Variants in PLIN3 observed in about 807,000 individuals in gnomAD.
The protein encoded by PLIN3 is perilipin-3.
PLIN3 carries 30 observed loss-of-function variants against 35.9 expected under a neutral mutation model. The observed-to-expected ratio is 0.84, with a 90% CI of 0.62 to 1.13. The LOEUF (loss-of-function observed/expected upper bound fraction) is 1.13, where lower values mean the gene tolerates loss of function less well. Among genes scored for constraint, PLIN3 ranks in the 50% most tolerant of loss-of-function variants. PLIN3 has a pLI of 0.00. For missense variants in PLIN3, 603 were observed against 596.9 expected (o/e 1.01, Z -0.11); for synonymous variants, 261 against 262.5 (o/e 0.99, Z 0.06).
Position 4,839,619 on chromosome 19 carries a change from G to GAGGGGA in PLIN3, c.961-84_961-83insTCCCCT. 3 of 1,117,826 alleles carry GAGGGGA rather than the reference G, an allele frequency of 2.7e-6. No individual in the cohort carries two copies. The East Asian group carries it at 7.9e-5, about 30-fold the overall frequency. 69.2% of individuals were successfully genotyped at this position (1,117,826 alleles called of 1,614,324 possible). ...AGCTGAAGCCAGGGAAAGAGGGGAA[G>GAGGGGA]AGGGGTTCTACCACTGACCTTGGGG... On this transcript the variant is annotated intron_variant, in intron 7 of 7. Transcript: ENST00000221957.
At chr19:4,862,483 C>T (rs932673590) in intron 1 of PLIN3, among the ~76,000 whole-genome samples, 3 of 152,020 alleles carry the variant, frequency 2.0e-5, no homozygotes, top group African/African-American at 7.2e-5. Context: ...TGGTCTCAAA[C>T]AATCCTCTTG....
In PLIN3 at chr19:4,847,829, T is replaced by C. The variant is rs545320674; in HGVS notation, c.696A>G (p.Glu232=). The change falls in exon 6 of 8, where the codon GAA becomes GAG. Residue 232 remains glutamate (E), a synonymous_variant. Transcript: ENST00000221957. ...AGCCCAGACGTACGAAGTAGCTCTG[T>C]TCCTGCCGCTGCTGCTGCACGGACG... is the stretch of plus-strand genomic sequence containing the variant. ...DVASVQQQRQ[E]QSYFVRLGSL... is the part of the protein sequence containing the mutation. The C allele has an allele frequency of 6.8e-6, 11 of 1,613,934 alleles. No homozygotes were observed. In the East Asian group the frequency reaches 1.6e-4, roughly 23 times the overall value.
intron 5 of PLIN3, 33 bp downstream of exon 5, chr19:4,851,983 G>A: frequency 6.3e-7 from 1 of 1,592,750 alleles, no homozygotes; most frequent in Non-Finnish European, 8.6e-7. Context: ...GGCCTGGGGA[G>A]GGGTCCCAGA....
chr19:4,845,688 G>A (rs576870996), intron 6 of PLIN3, among the ~76,000 whole-genome samples: 13 of 152,104 alleles, frequency 8.5e-5, no homozygotes, highest in Non-Finnish European at 1.9e-4. Context: ...ACTTTGGGAG[G>A]CCGAGGCGGG....
intron 1 of PLIN3, 29 bp from the exon 2 acceptor site, chr19:4,861,440 C>G (rs755642043): frequency 1.8e-5 from 27 of 1,525,926 alleles, no homozygotes; most frequent in Middle Eastern, 3.4e-4. Flanking sequence ...TCAGGTACAG[C>G]CTGCCTGGCC....
chr19:4,859,938 C>T lies in PLIN3; in HGVS notation c.153G>A (p.Glu51=). 6.2e-7 allele frequency: 1 copy of T among 1,614,092 alleles called. No individual in the cohort carries two copies. ...AGACAGTCTTGATGTGCGGGTAGCT[C>T]TCCTTGGTGGAGGCATAGGCTGCGG... The part of the protein sequence containing the change: ...MVSAAYASTK[E]SYPHIKTVCD... The change falls in exon 3 of 8, where the codon GAG becomes GAA. Residue 51 remains glutamate, a synonymous_variant. Transcript: ENST00000221957.
intron 7 of PLIN3, among the ~76,000 whole-genome samples, chr19:4,842,355 G>C (rs2029918605): frequency 1.3e-5 from 2 of 151,894 alleles, no homozygotes; most frequent in African/African-American, 2.4e-5. Context: ...CTTGAACCCA[G>C]GAGGTGGAGG....
At chr19:4,848,189 G>C (rs2030171620) in intron 5 of PLIN3, among the ~76,000 whole-genome samples, 1 of 152,002 alleles carries the variant, frequency 6.6e-6, no homozygotes, top group Non-Finnish European at 1.5e-5. Flanking sequence ...TCACCATGTT[G>C]GCCAGGCTGG....
Position 4,852,023 on chromosome 19 carries a change from G to A in PLIN3, c.627C>T (p.Ala209=), listed in dbSNP as rs770613170. Residue 209 remains alanine, a synonymous_variant, in exon 5 of 8, where the codon GCC becomes GCT. Transcript: ENST00000221957. ...CCCGCTGGCCACACTTACCCAGTTCGGCATCCGTAAGGGGCAGGTGGTTGT... is the reference window on the plus strand; with the variant it reads ...CCCGCTGGCCACACTTACCCAGTTCAGCATCCGTAAGGGGCAGGTGGTTGT... The part of the protein sequence containing the change: ...WADNHLPLTD[A]ELARIATSLD... 1.2e-4 allele frequency: 195 copies of A among 1,612,968 alleles called. No homozygotes were observed. Among genetic ancestry groups the A allele is most frequent in the Non-Finnish European group, 1.4e-4 (163 of 1,179,508 alleles).
At chr19:4,858,640 C>T (rs545350968) in intron 4 of PLIN3, among the ~76,000 whole-genome samples, 1 of 151,640 alleles carries the variant, frequency 6.6e-6, no homozygotes, top group Admixed American at 6.6e-5. Flanking sequence ...CCTCAGCCTC[C>T]CAAAGTACTG....
In PLIN3 at chr19:4,858,400, CAG is replaced by C. The variant is rs758207534; in HGVS notation, c.348+1188_348+1189del. ...TTTTTTTGTTTTGTTGTTTTTGAGA[CAG>C]AGTCTCGCTCTGTCGCCCAGGCTGG... On this transcript the variant is annotated intron_variant, in intron 4 of 7. Transcript: ENST00000221957. 1.6e-4 allele frequency among the ~76,000 whole-genome samples: 24 copies of C among 151,056 alleles called. 1 individual carries two copies. Among genetic ancestry groups the C allele is most frequent in the African/African-American group, 4.6e-4 (19 of 41,186 alleles).
In PLIN3 at chr19:4,843,196, T is replaced by A. The variant is rs183613347; in HGVS notation, c.960+1472A>T. On this transcript the variant is annotated intron_variant, in intron 7 of 7. Coordinates refer to ENST00000221957, the MANE Select transcript of PLIN3 (RefSeq NM_005817.5). ...GAGATTGTGCCACTGCACTCCAGCCTGGGCAACAGAGCAATAAATAAATAA... is the reference window on the plus strand; with the variant it reads ...GAGATTGTGCCACTGCACTCCAGCCAGGGCAACAGAGCAATAAATAAATAA... Among the ~76,000 whole-genome samples the A allele has an allele frequency of 1.5e-3, 225 of 151,238 alleles. 3 individuals carry two copies. The highest frequency in any genetic ancestry group is 5.3e-3 in the African/African-American group (216 of 41,116).
At chr19:4,865,815 C>A (rs1342677326) in intron 1 of PLIN3, among the ~76,000 whole-genome samples, 1 of 151,292 alleles carries the variant, frequency 6.6e-6, no homozygotes, top group African/African-American at 2.4e-5. Context: ...GCTCTGCCTC[C>A]CCGGTTCACG....
intron 7 of PLIN3, 83 bp from the exon 8 acceptor site, chr19:4,839,619 G>A: frequency 8.9e-7 from 1 of 1,117,944 alleles, no homozygotes; most frequent in African/African-American, 1.6e-5. Flanking sequence ...AAGAGGGGAA[G>A]AGGGGTTCTA....
chr19:4,852,653 T>G (rs1251943302), intron 4 of PLIN3, among the ~76,000 whole-genome samples: 1 of 152,106 alleles, frequency 6.6e-6, no homozygotes, highest in Non-Finnish European at 1.5e-5. Context: ...TTCTTTTTTT[T>G]TTTTGGAGAC....
chr19:4,845,894 C>A (rs1184579039), intron 6 of PLIN3, among the ~76,000 whole-genome samples: 1 of 138,290 alleles, frequency 7.2e-6, no homozygotes, highest in Non-Finnish European at 1.5e-5. Flanking sequence ...CCACTGCACT[C>A]CAGCCTGGGT....
intron 6 of PLIN3, 124 bp downstream of exon 6, chr19:4,847,567 G>A (rs973885214): frequency 5.1e-6 from 4 of 784,560 alleles, no homozygotes; most frequent in African/African-American, 1.7e-5. Flanking sequence ...TACAGTGCCA[G>A]GAGCAAGCGG....
At chr19:4,847,469 A>AC (rs1429915846) in intron 6 of PLIN3, among the ~76,000 whole-genome samples, 2 of 151,996 alleles carry the variant, frequency 1.3e-5, no homozygotes, top group African/African-American at 4.8e-5. Context: ...CACTTGAGGG[A>AC]CTCACACAAA....
chr19:4,841,673 G>A (rs951248583), intron 7 of PLIN3, among the ~76,000 whole-genome samples: 4 of 151,234 alleles, frequency 2.6e-5, no homozygotes, highest in Non-Finnish European at 5.9e-5. Context: ...AGGCCGAGGA[G>A]GGTGGATCAT....
Sources: gnomAD v4.1 joint callset for allele counts (sites outside exome capture counted in the v4.1 genomes callset) on GRCh38, gnomAD v4.1.1 for gene constraint, MANE v1.5 for transcripts, NCBI Gene and HGNC (gene_info 2026-07-23, HGNC 2026-07-21) for gene names.